Variants in TENM3 observed in about 807,000 individuals in gnomAD.
The protein encoded by TENM3 is teneurin-3.
In TENM3, 63 loss-of-function variants were observed where a neutral mutation model predicts 255.1. That is an observed-to-expected ratio of 0.25 (90% CI 0.20 to 0.30). The LOEUF (loss-of-function observed/expected upper bound fraction) is 0.30, where lower values mean the gene tolerates loss of function less well. TENM3 is among the 10% of genes least tolerant of loss of function. TENM3 has a pLI of 1.00. For synonymous variants in TENM3, 1,306 were observed against 1,322.3 expected, an observed-to-expected ratio of 0.99 and a Z score of 0.27; for missense variants, 2,929 against 3,461.1, an observed-to-expected ratio of 0.85 and a Z score of 3.86.
chr4:182,026,863 ACT>A, the TENM3 span, among the ~76,000 whole-genome samples: 147 of 151,980 alleles, frequency 9.7e-4, no homozygotes, highest in African/African-American at 3.4e-3. Flanking sequence ...GGTTACTATA[ACT>A]CTGCAGTATA....
chr4:182,361,717 C>A (rs1439242626), intron 3 of TENM3, among the ~76,000 whole-genome samples: 6 of 152,104 alleles, frequency 3.9e-5, no homozygotes, highest in Non-Finnish European at 7.4e-5. Context: ...TCTCTCAACT[C>A]GTCAAAGTCA....
chr4:181,686,121 G>C, the TENM3 span, among the ~76,000 whole-genome samples: 4 of 152,088 alleles, frequency 2.6e-5, no homozygotes, highest in African/African-American at 9.7e-5. Context: ...TGTAGGCGAA[G>C]TGTAATAAAC....
chr4:181,634,545 C>A, the TENM3 span, among the ~76,000 whole-genome samples: 40 of 152,140 alleles, frequency 2.6e-4, no homozygotes, highest in South Asian at 8.1e-3. Context: ...GTACCATATG[C>A]CTCAAGTGAT....
chr4:181,732,919 G>A, the TENM3 span, among the ~76,000 whole-genome samples: 1 of 152,208 alleles, frequency 6.6e-6, no homozygotes, highest in East Asian at 1.9e-4. Context: ...GATAATTTTG[G>A]TATATTCGAA....
the TENM3 span, among the ~76,000 whole-genome samples, chr4:181,485,535 G>A: frequency 6.6e-6 from 1 of 151,920 alleles, no homozygotes; most frequent in Non-Finnish European, 1.5e-5. Flanking sequence ...GTGAAAAACA[G>A]AATTCTTTGA....
At chr4:182,043,303 T>C in the TENM3 span, among the ~76,000 whole-genome samples, 1 of 152,238 alleles carries the variant, frequency 6.6e-6, no homozygotes, top group Non-Finnish European at 1.5e-5. Flanking sequence ...AAGGTGAGAC[T>C]TTCACGTTAA....
rs1473746223 is a variant in TENM3 at position 182,205,860 on chromosome 4, CAA to C, written c.-76+61108_-76+61109del. 3.3e-5 allele frequency among the ~76,000 whole-genome samples: 5 copies of C among 152,198 alleles called. No individual in the cohort carries two copies. In the East Asian group the frequency reaches 9.7e-4, roughly 29 times the overall value. On this transcript the variant is annotated intron_variant, in intron 1 of 2. Transcript: ENST00000512480. Reference sequence around the variant, plus strand: ...AGGAAGCTGCCTTCGTACACGCAGGCAAAGTGCATTCGACAGAATATGAAAAA... The same window carrying C: ...AGGAAGCTGCCTTCGTACACGCAGGCAGTGCATTCGACAGAATATGAAAAA...
chr4:182,060,954 T>A, the TENM3 span, among the ~76,000 whole-genome samples: 1 of 152,304 alleles, frequency 6.6e-6, no homozygotes, highest in East Asian at 1.9e-4. Flanking sequence ...GCTCTCTATT[T>A]GGGGGCCAAA....
the TENM3 span, among the ~76,000 whole-genome samples, chr4:181,766,825 GA>G: frequency 6.6e-6 from 1 of 150,816 alleles, no homozygotes; most frequent in South Asian, 2.1e-4. Flanking sequence ...ATCAAAACAT[GA>G]GCTTATCAAA....
rs35226237 is a variant in TENM3 at position 182,727,864 on chromosome 4, C to CTT, written c.2369-1086_2369-1085dup. On this transcript the variant is annotated intron_variant, in intron 13 of 27. Coordinates refer to ENST00000511685, the MANE Select transcript of TENM3 (RefSeq NM_001080477.4). ...ACACACTTAACCTTCCTTAGAAGAA[C>CTT]TTTTTTTTTTTTTTTTGAGACAGTT... 2.5e-3 allele frequency among the ~76,000 whole-genome samples: 350 copies of CTT among 140,736 alleles called. 2 individuals are homozygous for CTT. The highest frequency in any genetic ancestry group is 0.014 in the Middle Eastern group (4 of 276). The allele number at this position is 140,736 out of a possible 152,430, so 92.3% of individuals were successfully genotyped here.
chr4:181,804,027 G>C, the TENM3 span, among the ~76,000 whole-genome samples: 1 of 85,082 alleles, frequency 1.2e-5, no homozygotes, highest in Non-Finnish European at 2.6e-5. Context: ...AATAGGGAGG[G>C]AGGGTAAGGG....
At chr4:181,588,151 G>A in the TENM3 span, among the ~76,000 whole-genome samples, 12 of 152,300 alleles carry the variant, frequency 7.9e-5, no homozygotes, top group African/African-American at 2.9e-4. Context: ...AAGCCAGCAG[G>A]AACAGGGGAG....
the TENM3 span, among the ~76,000 whole-genome samples, chr4:181,736,057 G>A: frequency 6.6e-6 from 1 of 152,100 alleles, no homozygotes; most frequent in Non-Finnish European, 1.5e-5. Flanking sequence ...CAGCACTTTG[G>A]GAGGCCAAAG....
chr4:182,681,390 A>C (rs189888839), intron 10 of TENM3, among the ~76,000 whole-genome samples: 1 of 152,340 alleles, frequency 6.6e-6, no homozygotes, highest in African/African-American at 2.4e-5. Context: ...TCTAAAGCAC[A>C]TTGAAGTGAA....
chr4:182,181,641 C>G (rs1041352315), intron 1 of TENM3, among the ~76,000 whole-genome samples: 1 of 152,158 alleles, frequency 6.6e-6, no homozygotes, highest in African/African-American at 2.4e-5. Context: ...AAATAGTTAA[C>G]TGATTTTCAG....
At chr4:181,868,345 T>C in the TENM3 span, among the ~76,000 whole-genome samples, 4 of 152,234 alleles carry the variant, frequency 2.6e-5, no homozygotes, top group African/African-American at 9.6e-5. Context: ...TTAAATTTTA[T>C]ATAAACAGAG....
rs201619909 is a variant in TENM3 at position 182,732,531 on chromosome 4, T to C, written c.2967+1392T>C. ...CTTAAAAGTAGGATGTTAGGTGTAA[T>C]AATAATGGATTTTGCCAGGCGGCGT... On this transcript the variant is annotated intron_variant, in intron 16 of 27. Coordinates refer to ENST00000511685, the MANE Select transcript of TENM3 (RefSeq NM_001080477.4). Among the ~76,000 whole-genome samples, 3 of 152,188 alleles carry C rather than the reference T, an allele frequency of 2.0e-5. No homozygotes were observed. The East Asian group carries it at 5.8e-4, about 29-fold the overall frequency.
the TENM3 span, among the ~76,000 whole-genome samples, chr4:181,454,779 T>C: frequency 1.4e-5 from 2 of 146,246 alleles, no homozygotes; most frequent in African/African-American, 5.1e-5. Context: ...AGTAACCTAC[T>C]GTACAGGTTT....
At chr4:181,605,584 G>GAAAGAAAGAAAAGAAAGAAA in the TENM3 span, among the ~76,000 whole-genome samples, 2 of 69,142 alleles carry the variant, frequency 2.9e-5, no homozygotes, top group Non-Finnish European at 6.0e-5. Context: ...GAGAAAGAAA[G>GAAAGAAAGAAAAGAAAGAAA]GAAAGAAAGA....
Sources: gnomAD v4.1 joint callset for allele counts (sites outside exome capture counted in the v4.1 genomes callset) on GRCh38, gnomAD v4.1.1 for gene constraint, MANE v1.5 for transcripts, NCBI Gene and HGNC (gene_info 2026-07-23, HGNC 2026-07-21) for gene names.